The following LINC00632 variants were observed in gnomAD, a reference collection of about 807,000 sequenced individuals.
The protein encoded by LINC00632 is ALDOA related specific transcript.
At chrX:140,713,826 A>G in intron 2 of LINC00632, 1 of 318,086 alleles carries the variant, frequency 3.1e-6, no homozygotes, top group Non-Finnish European at 6.2e-6. Context: ...CCCGCATGAC[A>G]CAGACTTGCC....
At chrX:140,729,401 A>G (rs1432683401) in intron 2 of LINC00632, among the ~76,000 whole-genome samples, 1 of 111,061 alleles carries the variant, frequency 9.0e-6, no homozygotes, top group Non-Finnish European at 1.9e-5. Context: ...CCACAAACAC[A>G]TAGATTTCCT....
intron 2 of LINC00632, among the ~76,000 whole-genome samples, chrX:140,722,823 G>A (rs1487916253): frequency 9.0e-6 from 1 of 111,347 alleles, no homozygotes; most frequent in African/African-American, 3.3e-5. Context: ...GCTGAGGCGG[G>A]CGGATCACCT....
exon 5 of LINC00632, among the ~76,000 whole-genome samples, chrX:140,788,319 T>C (rs1380570710): frequency 9.1e-6 from 1 of 110,246 alleles, no homozygotes; most frequent in East Asian, 2.8e-4. Context: ...ATGATTATTA[T>C]TAACATTAAA....
At chrX:140,721,783 T>A (rs1930732508) in intron 2 of LINC00632, among the ~76,000 whole-genome samples, 1 of 111,208 alleles carries the variant, frequency 9.0e-6, no homozygotes, top group African/African-American at 3.3e-5. Flanking sequence ...CACATAAAAA[T>A]GTTAGATAAC....
At chrX:140,729,877 CTTTTTTTT>C (rs1207034823) in intron 2 of LINC00632, among the ~76,000 whole-genome samples, 5 of 90,860 alleles carry the variant, frequency 5.5e-5, no homozygotes, top group East Asian at 6.7e-4. Flanking sequence ...TTTCTTTTTT[CTTTTTTTT>C]TTTTTTTTTT....
chrX:140,725,114 TATACACACACATTCC>T (rs1191777229), intron 2 of LINC00632, among the ~76,000 whole-genome samples: 7 of 51,885 alleles, frequency 1.3e-4, no homozygotes, highest in Non-Finnish European at 2.3e-4. Context: ...ACACATTCCA[TATACACACACATTCC>T]ATACACACAC....
At chrX:140,764,564 G>C (rs1476920609) in intron 3 of LINC00632, 1 of 112,574 alleles carries the variant, frequency 8.9e-6, no homozygotes, top group African/African-American at 3.2e-5. Flanking sequence ...TCTCTCCAGA[G>C]AGCAGCCGGG....
exon 5 of LINC00632, among the ~76,000 whole-genome samples, chrX:140,788,853 T>A: frequency 9.5e-6 from 1 of 105,295 alleles, no homozygotes; most frequent in Admixed American, 1.0e-4. Flanking sequence ...ATATGTATAT[T>A]CCATATATGC....
chrX:140,781,640 TCTTGTTCTCTG>T (rs765635974), exon 5 of LINC00632, among the ~76,000 whole-genome samples: 68 of 111,851 alleles, frequency 6.1e-4, no homozygotes, highest in African/African-American at 2.0e-3. Context: ...GAACAAGTTC[TCTTGTTCTCTG>T]CTTGTTCTCA....
chrX:140,762,421 C>T (rs749180040), intron 3 of LINC00632, among the ~76,000 whole-genome samples: 1 of 112,189 alleles, frequency 8.9e-6, no homozygotes, highest in Non-Finnish European at 1.9e-5. Context: ...TTGCAGTTTA[C>T]CAGCATTTCG....
chrX:140,755,664 G>C (rs1036759502), intron 3 of LINC00632, among the ~76,000 whole-genome samples: 1 of 111,876 alleles, frequency 8.9e-6, no homozygotes, highest in African/African-American at 3.3e-5. Flanking sequence ...ATTGCCCTCT[G>C]TTTGGGTCAG....
At chrX:140,718,787 A>G (rs1930681439) in intron 2 of LINC00632, among the ~76,000 whole-genome samples, 1 of 111,817 alleles carries the variant, frequency 8.9e-6, no homozygotes, top group African/African-American at 3.2e-5. Context: ...TTATCACACA[A>G]CAGCTAGACA....
chrX:140,769,043 G>A (rs1230197293), intron 3 of LINC00632, among the ~76,000 whole-genome samples: 2 of 109,768 alleles, frequency 1.8e-5, no homozygotes, highest in African/African-American at 6.6e-5. Context: ...TTGGTCAGGA[G>A]CCAATAAGTA....
rs763724909 is a variant in LINC00632, at chrX:140,772,471, G to A, written n.585G>A. On this transcript the variant is annotated non_coding_transcript_exon_variant, in exon 4 of 5. Transcript: ENST00000648200. ...TTGCAGTCATTGTAAATATGCGTGA[G>A]TTAGGGGTGAGAATGGCATGCAAGC... 24 of 291,819 alleles carry A rather than the reference G, an allele frequency of 8.2e-5. 1 individual carries two copies. The highest frequency in any genetic ancestry group is 5.9e-6 in the Non-Finnish European group (1 of 168,506). The allele number at this position is 291,819 out of a possible 1,213,427, so 24.0% of individuals were successfully genotyped here. A position where few individuals can be genotyped will look rare whatever the true frequency, so the allele number is the denominator to read the frequency against.
chrX:140,731,087 A>G (rs112990690), intron 2 of LINC00632, among the ~76,000 whole-genome samples: 5,387 of 110,103 alleles, frequency 0.049, 360 homozygotes, highest in African/African-American at 0.17. Context: ...ATTTCTGGTA[A>G]AGACGGAGTT....
At chrX:140,765,370 G>A (rs766135041) in intron 3 of LINC00632, among the ~76,000 whole-genome samples, 7 of 111,794 alleles carry the variant, frequency 6.3e-5, no homozygotes, top group African/African-American at 2.3e-4. Context: ...GCCCCAAGTT[G>A]CAAAGCTTTG....
chrX:140,713,655 C>G (rs1323082244), intron 2 of LINC00632: 1 of 340,212 alleles, frequency 2.9e-6, no homozygotes, highest in Non-Finnish European at 5.9e-6. Flanking sequence ...ACACACTTGC[C>G]TTCCAGTACA....
At chrX:140,753,590 C>G (rs191803825) in intron 3 of LINC00632, among the ~76,000 whole-genome samples, 1 of 109,534 alleles carries the variant, frequency 9.1e-6, no homozygotes, top group Non-Finnish European at 1.9e-5. Flanking sequence ...ATAAAATATC[C>G]CGTTATTTTT....
At chrX:140,786,892 T>C (rs991878372) in exon 5 of LINC00632, among the ~76,000 whole-genome samples, 4 of 111,945 alleles carry the variant, frequency 3.6e-5, no homozygotes, top group African/African-American at 1.3e-4. Context: ...ATCATCAGCA[T>C]ACAAGGTTAC....
Sources: gnomAD v4.1 joint callset for allele counts (sites outside exome capture counted in the v4.1 genomes callset) on GRCh38, gnomAD v4.1.1 for gene constraint, MANE v1.5 for transcripts, NCBI Gene and HGNC (gene_info 2026-07-23, HGNC 2026-07-21) for gene names.